GRIN2A: variants seen among roughly 807,000 people sequenced by gnomAD.
The protein encoded by GRIN2A is glutamate ionotropic receptor NMDA type subunit 2A.
In GRIN2A, 22 loss-of-function variants were observed where a neutral mutation model predicts 113.4. The observed-to-expected ratio is 0.19, with a 90% CI of 0.14 to 0.28. The LOEUF (loss-of-function observed/expected upper bound fraction) is 0.28. Ranked by LOEUF, GRIN2A falls within the 10% of genes least tolerant of loss-of-function variation. The pLI, the probability that GRIN2A is intolerant of heterozygous loss-of-function variation, is 1.00. For missense variants in GRIN2A, 1,502 were observed against 1,887.0 expected (o/e 0.80, Z 3.78); for synonymous variants, 827 against 738.4 (o/e 1.12, Z -1.94).
rs71400498 is a variant in GRIN2A, at chr16:9,799,964, A to ATATTATTATTAT, written c.2169-1512_2169-1501dup. The stretch of plus-strand genomic sequence containing the variant: ...TCTCCAAGGGCACAACTGTGCCTAA[A>ATATTATTATTAT]TATTATTATTATTATTATTATTATT... On this transcript the variant is annotated intron_variant, in intron 10 of 12. Transcript: ENST00000330684. Among the ~76,000 whole-genome samples the ATATTATTATTAT allele has an allele frequency of 1.2e-3, 178 of 149,700 alleles. 2 individuals are homozygous for ATATTATTATTAT. The highest frequency in any genetic ancestry group is 3.7e-3 in the African/African-American group (151 of 40,642).
intron 2 of GRIN2A, among the ~76,000 whole-genome samples, chr16:9,980,665 G>T (rs972740152): frequency 1.3e-5 from 2 of 152,038 alleles, no homozygotes; most frequent in African/African-American, 4.8e-5. Context: ...CCATAAAACA[G>T]GATGAGTTCA....
chr16:10,027,497 T>G (rs2046846508), intron 2 of GRIN2A: 1 of 152,224 alleles, frequency 6.6e-6, no homozygotes, highest in African/African-American at 2.4e-5. Flanking sequence ...GTGAGGTTGG[T>G]GTGTCTCTCA....
chr16:10,051,793 G>T (rs1226918367), intron 2 of GRIN2A, among the ~76,000 whole-genome samples: 1 of 152,190 alleles, frequency 6.6e-6, no homozygotes, highest in Admixed American at 6.5e-5. Context: ...CAGAGAGACT[G>T]GCCAGACCCT....
At chr16:9,847,464 T>A (rs1410428792) in intron 5 of GRIN2A, among the ~76,000 whole-genome samples, 1 of 151,544 alleles carries the variant, frequency 6.6e-6, no homozygotes, top group African/African-American at 2.4e-5. Flanking sequence ...ATTCAGGAGG[T>A]TGAGGTGAGA....
intron 2 of GRIN2A, among the ~76,000 whole-genome samples, chr16:10,016,226 G>A (rs2046608909): frequency 6.6e-6 from 1 of 152,060 alleles, no homozygotes; most frequent in African/African-American, 2.4e-5. Flanking sequence ...CTGCAATGGT[G>A]CAGTGGAGTG....
chr16:10,100,436 T>G (rs898501353), intron 2 of GRIN2A, among the ~76,000 whole-genome samples: 3 of 152,130 alleles, frequency 2.0e-5, no homozygotes, highest in African/African-American at 7.2e-5. Flanking sequence ...AATGGGGAGA[T>G]GTATTTCGAC....
chr16:9,979,812 T>C (rs1244907037), intron 2 of GRIN2A, among the ~76,000 whole-genome samples: 1 of 142,962 alleles, frequency 7.0e-6, no homozygotes, highest in African/African-American at 2.5e-5. Flanking sequence ...TATATATATA[T>C]GTATATGTAT....
At chr16:10,034,535 CAAAAAAAAAAAAA>C (rs58076569) in intron 2 of GRIN2A, among the ~76,000 whole-genome samples, 2 of 36,422 alleles carry the variant, frequency 5.5e-5, no homozygotes, top group South Asian at 1.2e-3. Flanking sequence ...CAAAAAAAAG[CAAAAAAAAAAAAA>C]AAAAAAAAAA....
rs976945469 is a variant in GRIN2A at position 9,760,948 on chromosome 16, G to C, written c.*2201C>G. 1 of 232,334 alleles carries C rather than the reference G, an allele frequency of 4.3e-6. No individual in the cohort carries two copies. Among genetic ancestry groups the C allele is most frequent in the African/African-American group, 2.2e-5 (1 of 45,274 alleles). The allele number at this position is 232,334 out of a possible 1,614,324, so 14.4% of individuals were successfully genotyped here. Reference sequence around the variant, plus strand: ...CAGATTTAGGATCAGATGTTGGGGTGACTATTCTGGGCCCTTCGATCCAGG... The same window carrying C: ...CAGATTTAGGATCAGATGTTGGGGTCACTATTCTGGGCCCTTCGATCCAGG... On this transcript the variant is annotated 3_prime_UTR_variant, in exon 13 of 13. Coordinates refer to ENST00000330684, the MANE Select transcript of GRIN2A (RefSeq NM_001134407.3).
chr16:10,077,655 G>C (rs1023189067), intron 2 of GRIN2A, among the ~76,000 whole-genome samples: 1 of 152,192 alleles, frequency 6.6e-6, no homozygotes, highest in Non-Finnish European at 1.5e-5. Context: ...GCCCTTTAGA[G>C]TTTGGCCTCC....
intron 2 of GRIN2A, among the ~76,000 whole-genome samples, chr16:10,122,764 C>T (rs1270860053): frequency 6.6e-6 from 1 of 152,076 alleles, no homozygotes; most frequent in Non-Finnish European, 1.5e-5. Context: ...GAAATTGACG[C>T]ACGATCAGCA....
intron 11 of GRIN2A, among the ~76,000 whole-genome samples, chr16:9,787,810 A>G (rs1236178111): frequency 2.0e-5 from 3 of 152,218 alleles, no homozygotes; most frequent in Non-Finnish European, 4.4e-5. Flanking sequence ...GATGCTCTGC[A>G]GTTCCTCTCC....
Position 9,912,972 on chromosome 16 carries a change from C to A in GRIN2A, c.1008-21872G>T, listed in dbSNP as rs116434305. ...TTATCTATCTAAACCAACAGAACTG[C>A]TCCCTCTGCCCTTGGCCTCGCCATA... is the stretch of plus-strand genomic sequence containing the variant. On this transcript the variant is annotated intron_variant, in intron 3 of 12. Transcript: ENST00000330684. Among the ~76,000 whole-genome samples, 1,471 of 152,334 alleles carry A rather than the reference C, an allele frequency of 9.7e-3. 32 individuals carry two copies. Among genetic ancestry groups the A allele is most frequent in the African/African-American group, 0.034 (1,420 of 41,570 alleles).
chr16:9,778,108 CCCAA>C (rs1901716651), intron 11 of GRIN2A, among the ~76,000 whole-genome samples: 1 of 152,132 alleles, frequency 6.6e-6, no homozygotes, highest in Non-Finnish European at 1.5e-5. Context: ...TGTGCAGCTT[CCCAA>C]CCAGTGTCTC....
chr16:10,081,763 G>A (rs1429688631), intron 2 of GRIN2A, among the ~76,000 whole-genome samples: 1 of 152,112 alleles, frequency 6.6e-6, no homozygotes, highest in Non-Finnish European at 1.5e-5. Flanking sequence ...TTCATAAATG[G>A]CACAGTCTCC....
intron 2 of GRIN2A, among the ~76,000 whole-genome samples, chr16:10,034,735 C>T (rs1772193582): frequency 6.6e-6 from 1 of 151,906 alleles, no homozygotes; most frequent in Non-Finnish European, 1.5e-5. Flanking sequence ...TAAAGATTCC[C>T]CAAATCTAGA....
chr16:10,169,489 A>G (rs1186298250), intron 2 of GRIN2A, among the ~76,000 whole-genome samples: 1 of 152,206 alleles, frequency 6.6e-6, no homozygotes, highest in Non-Finnish European at 1.5e-5. Flanking sequence ...AGTCTACTCC[A>G]ATGAAAGGAT....
At chr16:9,927,226 G>A (rs1316958607) in intron 3 of GRIN2A, among the ~76,000 whole-genome samples, 2 of 152,152 alleles carry the variant, frequency 1.3e-5, no homozygotes, top group Non-Finnish European at 2.9e-5. Flanking sequence ...CTCAAGGGAA[G>A]TTTACCCCAT....
At chr16:9,856,559 A>G (rs1425592303) in intron 4 of GRIN2A, among the ~76,000 whole-genome samples, 1 of 146,738 alleles carries the variant, frequency 6.8e-6, no homozygotes, top group East Asian at 2.0e-4. Flanking sequence ...CGGGAGGCCG[A>G]GCTTGCAGTG....
Sources: gnomAD v4.1 joint callset for allele counts (sites outside exome capture counted in the v4.1 genomes callset) on GRCh38, gnomAD v4.1.1 for gene constraint, MANE v1.5 for transcripts, NCBI Gene and HGNC (gene_info 2026-07-23, HGNC 2026-07-21) for gene names.